ABCF1: variants seen among roughly 807,000 people sequenced by gnomAD.
ABCF1 encodes the protein ATP binding cassette subfamily F member 1, also known as ATP-binding cassette sub-family F member 1.
In ABCF1, 73 loss-of-function variants were observed where a neutral mutation model predicts 126.3. That is an observed-to-expected ratio of 0.58 (90% CI 0.48 to 0.70). ABCF1 has a LOEUF of 0.70. ABCF1 is among the 30% of genes least tolerant of loss of function. ABCF1 has a pLI of 0.00. For missense variants in ABCF1, 786 were observed against 1,057.5 expected (o/e 0.74, Z 3.56); for synonymous variants, 345 against 396.4 (o/e 0.87, Z 1.54).
Position 30,578,088 on chromosome 6 carries a change from C to T in ABCF1, c.229C>T (p.Arg77Ter), listed in dbSNP as rs1561786344. The T allele has an allele frequency of 1.9e-6, 3 of 1,612,112 alleles. No homozygotes were observed. The highest frequency in any genetic ancestry group is 2.5e-6 in the Non-Finnish European group (3 of 1,179,532). ...TTGCTCTCAGCAGCAAAAAAAAAAG[C>T]GAGATACCCGAAAAGGCAGGCGGAA... ...QQQQQQQKKK[R>*]DTRKGRRKKD... The change falls in exon 4 of 25, where the codon CGA becomes TGA. Residue 77 changes from arginine (R) to a stop codon, truncating the protein, a stop_gained. Transcript: ENST00000326195. LOFTEE classifies it high-confidence loss of function.
chr6:30,581,642 A>G (rs956773582), intron 8 of ABCF1, among the ~76,000 whole-genome samples: 1 of 151,824 alleles, frequency 6.6e-6, no homozygotes, highest in African/African-American at 2.4e-5. Flanking sequence ...TGACCTTGTG[A>G]TCTGTCCATC....
Position 30,582,214 on chromosome 6 carries a change from G to A in ABCF1, c.679-180G>A, listed in dbSNP as rs936920417. Among the ~76,000 whole-genome samples, 12 of 152,026 alleles carry A rather than the reference G, an allele frequency of 7.9e-5. No homozygotes were observed. The East Asian group carries it at 1.6e-3, about 20-fold the overall frequency. On this transcript the variant is annotated intron_variant, in intron 8 of 24. Transcript: ENST00000326195. Reference sequence around the variant, plus strand: ...TGGGACTACAGGCGCCCGCCACCACGTCCGGCTAATTTTTTGTATTTTTAG... The same window carrying A: ...TGGGACTACAGGCGCCCGCCACCACATCCGGCTAATTTTTTGTATTTTTAG...
At chr6:30,588,190 C>T (rs866797820) in intron 20 of ABCF1, among the ~76,000 whole-genome samples, 19 of 152,078 alleles carry the variant, frequency 1.2e-4, no homozygotes, top group African/African-American at 3.1e-4. Context: ...CGTGAGCCAC[C>T]GCTCCCAGCT....
chr6:30,576,159 A>T lies in ABCF1; in HGVS notation c.74-1250A>T, dbSNP rs889339030. Among the ~76,000 whole-genome samples the T allele has an allele frequency of 3.3e-5, 5 of 150,982 alleles. No individual in the cohort carries two copies. In the South Asian group the frequency reaches 1.0e-3, roughly 32 times the overall value. On this transcript the variant is annotated intron_variant, in intron 1 of 24. Coordinates refer to ENST00000326195, the MANE Select transcript of ABCF1 (RefSeq NM_001025091.2). Reference sequence around the variant, plus strand: ...CACATATCTCCCAAATTGAATTTATAATATCTTCTTCCTTCCTATAAGACC... The same window carrying T: ...CACATATCTCCCAAATTGAATTTATTATATCTTCTTCCTTCCTATAAGACC...
In ABCF1 at chr6:30,590,618, C is replaced by T; in HGVS notation, c.2455C>T (p.Gln819Ter). ...GGTGGTGGAGGAGCAGAGTGTTAGC[C>T]AAATCGATGGTGACTTTGAAGACTA... is the stretch of plus-strand genomic sequence containing the variant. ...LWVVEEQSVS[Q>*]IDGDFEDYKR... Residue 819 changes from glutamine to a stop codon, truncating the protein, a stop_gained, in exon 25 of 25, where the codon CAA (glutamine) becomes TAA (stop). Coordinates refer to ENST00000326195, the MANE Select transcript of ABCF1 (RefSeq NM_001025091.2). LOFTEE classifies it high-confidence loss of function. The T allele has an allele frequency of 6.2e-7, 1 of 1,613,040 alleles. No individual in the cohort carries two copies. Among genetic ancestry groups the T allele is most frequent in the Non-Finnish European group, 8.5e-7 (1 of 1,180,018 alleles).
In ABCF1 at chr6:30,590,561, C is replaced by T; in HGVS notation, c.2398C>T (p.Arg800Ter). The T allele has an allele frequency of 1.9e-6, 3 of 1,612,280 alleles. No homozygotes were observed. Among genetic ancestry groups the T allele is most frequent in the South Asian group, 2.2e-5 (2 of 90,960 alleles). Residue 800 changes from arginine (R) to a stop codon, truncating the protein, a stop_gained, in exon 25 of 25, where the codon CGA becomes TGA. Coordinates refer to ENST00000326195, the MANE Select transcript of ABCF1 (RefSeq NM_001025091.2). LOFTEE classifies it high-confidence loss of function. Reference protein sequence around the residue: ...GAVIVVSHDARLITETNCQLW... With the variant: ...GAVIVVSHDA ...TGTGATCGTTGTCAGCCATGATGCCCGACTCATCACAGAAACCAATTGCCA... is the reference window on the plus strand; with the variant it reads ...TGTGATCGTTGTCAGCCATGATGCCTGACTCATCACAGAAACCAATTGCCA...
chr6:30,586,323 C>T lies in ABCF1; in HGVS notation c.1885+18C>T. ...TCTGCATGGTGAGTGCCGCGGGCCT[C>T]TGCTGCTCCACAGGAAGCACCGGAA... On this transcript the variant is annotated intron_variant, in intron 18 of 24. Transcript: ENST00000326195. This position sits in a 1 kb window ranked among gnomAD's most constrained non-coding sequence, Gnocchi z 4.9. 1 of 1,601,488 alleles carries T rather than the reference C, an allele frequency of 6.2e-7. No individual in the cohort carries two copies. The highest frequency in any genetic ancestry group is 8.5e-7 in the Non-Finnish European group (1 of 1,173,462).
chr6:30,589,576 C>T, intron 20 of ABCF1, 112 bp from the exon 21 acceptor site: 1 of 1,299,742 alleles, frequency 7.7e-7, no homozygotes, highest in Non-Finnish European at 1.1e-6. Context: ...GCACTCCAGC[C>T]TGGGGGACAG....
chr6:30,579,007 A>G (rs183269264), intron 6 of ABCF1, among the ~76,000 whole-genome samples: 12 of 152,214 alleles, frequency 7.9e-5, no homozygotes, highest in African/African-American at 2.9e-4. Flanking sequence ...CTCAAAAAAA[A>G]AACAACAAAA....
At position 30,584,597 on chromosome 6, in the gene ABCF1, C is replaced by T. The variant is rs1430308324; in HGVS notation, c.1391+31C>T. ...CCATTCACCTCACTGCCCTCCCTTC[C>T]AGCCTCAGACCACCGGGGCCCTTTT... On this transcript the variant is annotated intron_variant, in intron 14 of 24. Transcript: ENST00000326195. The surrounding 1 kb of genome is among the most constrained non-coding windows in gnomAD (Gnocchi z 4.6). The T allele has an allele frequency of 6.4e-7, 1 of 1,558,936 alleles. No homozygotes were observed. The highest frequency in any genetic ancestry group is 8.7e-7 in the Non-Finnish European group (1 of 1,155,432).
rs1402592230 is a variant in ABCF1 at position 30,583,306 on chromosome 6, G to A, written c.915+118G>A. ...AGTTCAGTGGGAAGAAAGATTGGAG[G>A]CATTTTCCACACCTTAGGTTCTGCC... On this transcript the variant is annotated intron_variant, in intron 10 of 24. Transcript: ENST00000326195. The surrounding 1 kb of genome is among the most constrained non-coding windows in gnomAD (Gnocchi z 4.1). The A allele has an allele frequency of 7.2e-7, 1 of 1,395,226 alleles. No homozygotes were observed. Among genetic ancestry groups the A allele is most frequent in the Non-Finnish European group, 9.7e-7 (1 of 1,030,276 alleles). 86.4% of individuals were successfully genotyped at this position (1,395,226 alleles called of 1,614,324 possible). A position where few individuals can be genotyped will look rare whatever the true frequency, so the allele number is the denominator to read the frequency against.
rs571835342 is a variant in ABCF1, at chr6:30,579,849, C to T, written c.490-82C>T. Reference sequence around the variant, plus strand: ...GCATGTGTATGGTTAACACAGTAGACTCTCTAGAAATGCTTATTACACAGC... The same window carrying T: ...GCATGTGTATGGTTAACACAGTAGATTCTCTAGAAATGCTTATTACACAGC... On this transcript the variant is annotated intron_variant, in intron 6 of 24. Coordinates refer to ENST00000326195, the MANE Select transcript of ABCF1 (RefSeq NM_001025091.2). The T allele has an allele frequency of 5.1e-6, 7 of 1,382,402 alleles. No individual in the cohort carries two copies. The African/African-American group carries it at 8.7e-5, about 17-fold the overall frequency. The allele number at this position is 1,382,402 out of a possible 1,614,324, so 85.6% of individuals were successfully genotyped here. A position where few individuals can be genotyped will look rare whatever the true frequency, so the allele number is the denominator to read the frequency against.
At chr6:30,585,824 C>A in intron 16 of ABCF1, 55 bp from the exon 17 acceptor site, 2 of 1,557,942 alleles carry the variant, frequency 1.3e-6, no homozygotes, top group Non-Finnish European at 1.7e-6. Flanking sequence ...CCCTGGTTGT[C>A]CCTTTGCTGG....
In ABCF1 at chr6:30,583,317, A is replaced by G; in HGVS notation, c.915+129A>G. The G allele has an allele frequency of 3.0e-6, 4 of 1,325,124 alleles. No individual in the cohort carries two copies. In the South Asian group the frequency reaches 5.8e-5, roughly 19 times the overall value. The allele number at this position is 1,325,124 out of a possible 1,614,324, so 82.1% of individuals were successfully genotyped here. On this transcript the variant is annotated intron_variant, in intron 10 of 24. Coordinates refer to ENST00000326195, the MANE Select transcript of ABCF1 (RefSeq NM_001025091.2). This position sits in a 1 kb window ranked among gnomAD's most constrained non-coding sequence, Gnocchi z 4.1. ...AAGAAAGATTGGAGGCATTTTCCAC[A>G]CCTTAGGTTCTGCCAACTTGAGCAA...
intron 6 of ABCF1, 104 bp from the exon 7 acceptor site, chr6:30,579,827 T>C (rs1801710373): frequency 4.7e-6 from 5 of 1,058,736 alleles, no homozygotes; most frequent in Non-Finnish European, 5.3e-6. Flanking sequence ...TGGAGGAGCA[T>C]GTGTATGGTT....
At chr6:30,571,707 GC>G in intron 1 of ABCF1, 147 bp downstream of exon 1, 3 of 859,692 alleles carry the variant, frequency 3.5e-6, no homozygotes, top group Non-Finnish European at 5.4e-6. Flanking sequence ...GGAGGAGTTT[GC>G]CGGGGAGGAG....
intron 14 of ABCF1, 53 bp from the exon 15 acceptor site, chr6:30,585,207 C>G (rs1182510599): frequency 2.0e-6 from 3 of 1,516,828 alleles, no homozygotes; most frequent in Non-Finnish European, 2.7e-6. Context: ...CTGGGGTTGT[C>G]TGAGCAAGGA....
intron 1 of ABCF1, 128 bp from the exon 2 acceptor site, chr6:30,577,281 T>C: frequency 1.2e-6 from 1 of 812,142 alleles, no homozygotes; most frequent in South Asian, 1.8e-5. Flanking sequence ...AGTACAAATA[T>C]TTAAGGAGTG....
At chr6:30,579,398 G>A (rs139991403) in intron 6 of ABCF1, among the ~76,000 whole-genome samples, 1,931 of 151,090 alleles carry the variant, frequency 0.013, 23 homozygotes, top group Admixed American at 0.023. Flanking sequence ...CTCATTTAGG[G>A]TACTCCTCAA....
Sources: allele counts gnomAD v4.1 joint callset (sites outside exome capture counted in the v4.1 genomes callset), GRCh38; gene constraint gnomAD v4.1.1; non-coding constraint Gnocchi (gnomAD v3.1); transcripts MANE v1.5; gene names NCBI Gene and HGNC (gene_info 2026-07-23, HGNC 2026-07-21).